Variants in PARP8 observed in about 807,000 individuals in gnomAD.
The protein encoded by PARP8 is protein mono-ADP-ribosyltransferase PARP8.
Under a neutral mutation model 124.1 loss-of-function variants are expected in PARP8, and 51 were observed. The ratio of observed to expected loss-of-function variants is 0.41; its 90% CI spans 0.33 to 0.52. The LOEUF (loss-of-function observed/expected upper bound fraction) is 0.52, where lower values mean the gene tolerates loss of function less well. PARP8 is among the 20% of genes least tolerant of loss of function. The pLI, the probability that PARP8 is intolerant of heterozygous loss-of-function variation, is 0.21. For missense variants in PARP8, 860 were observed against 1,018.9 expected (o/e 0.84, Z 2.12); for synonymous variants, 391 against 361.5 (o/e 1.08, Z -0.93).
At chr5:50,747,820 T>C (rs1329313260) in intron 2 of PARP8, among the ~76,000 whole-genome samples, 1 of 132,548 alleles carries the variant, frequency 7.5e-6, no homozygotes, top group Admixed American at 8.8e-5. Context: ...TCGCCCAGGC[T>C]AGAGTGCAGT....
At chr5:50,825,009 A>G in intron 18 of PARP8, 34 bp downstream of exon 18, 1 of 1,525,468 alleles carries the variant, frequency 6.6e-7, no homozygotes, top group Non-Finnish European at 9.1e-7. Context: ...TAATGAAAAC[A>G]GCATCCTTTT....
Position 50,813,633 on chromosome 5 carries a change from A to G in PARP8, c.1576-1799A>G, listed in dbSNP as rs142083404. Reference sequence around the variant, plus strand: ...GGCCAGAACTTCCAACACTATGTTAAATAGGAGTGGTGAGAGAGGGCATCC... The same window carrying G: ...GGCCAGAACTTCCAACACTATGTTAGATAGGAGTGGTGAGAGAGGGCATCC... On this transcript the variant is annotated intron_variant, in intron 14 of 25. Coordinates refer to ENST00000281631, the MANE Select transcript of PARP8 (RefSeq NM_024615.4). Among the ~76,000 whole-genome samples the G allele has an allele frequency of 3.7e-3, 567 of 152,222 alleles. 2 individuals carry two copies. The highest frequency in any genetic ancestry group is 0.013 in the African/African-American group (522 of 41,528).
intron 7 of PARP8, among the ~76,000 whole-genome samples, chr5:50,773,928 T>C (rs1580292035): frequency 6.6e-6 from 1 of 151,258 alleles, no homozygotes; most frequent in African/African-American, 2.4e-5. Flanking sequence ...GGAGAGAAGG[T>C]CAGCAGATAA....
At chr5:50,819,042 G>A (rs983225063) in intron 15 of PARP8, among the ~76,000 whole-genome samples, 1 of 152,150 alleles carries the variant, frequency 6.6e-6, no homozygotes, top group Non-Finnish European at 1.5e-5. Context: ...GAAAGCCAGT[G>A]GTTAAGACCT....
At chr5:50,679,188 TC>T (rs1751000961) in intron 2 of PARP8, among the ~76,000 whole-genome samples, 1 of 152,124 alleles carries the variant, frequency 6.6e-6, no homozygotes, top group Admixed American at 6.6e-5. Context: ...TGTACACTGA[TC>T]AATATAAATG....
At chr5:50,824,875 G>GA (rs1268199280) in intron 17 of PARP8, 33 bp from the exon 18 acceptor site, 3 of 1,570,720 alleles carry the variant, frequency 1.9e-6, no homozygotes, top group Non-Finnish European at 2.6e-6. Flanking sequence ...GAATTTTTAT[G>GA]AAAAATCAAG....
At chr5:50,749,673 T>C (rs1336123263) in intron 2 of PARP8, among the ~76,000 whole-genome samples, 1 of 152,162 alleles carries the variant, frequency 6.6e-6, no homozygotes, top group African/African-American at 2.4e-5. Context: ...ACTTCCATTA[T>C]ATTTTGTTAA....
At chr5:50,674,509 A>G (rs1488636359) in intron 2 of PARP8, among the ~76,000 whole-genome samples, 1 of 152,186 alleles carries the variant, frequency 6.6e-6, no homozygotes, top group Non-Finnish European at 1.5e-5. Context: ...CATCCAGTTT[A>G]TTTACACCTG....
chr5:50,713,619 C>T (rs1461307993), intron 2 of PARP8, among the ~76,000 whole-genome samples: 6 of 151,808 alleles, frequency 4.0e-5, no homozygotes, highest in African/African-American at 1.5e-4. Context: ...TAATGGCCAC[C>T]AAGATATCCA....
intron 9 of PARP8, 120 bp from the exon 10 acceptor site, chr5:50,788,403 A>C (rs1430153593): frequency 2.6e-6 from 2 of 780,414 alleles, no homozygotes; most frequent in Non-Finnish European, 4.3e-6. Context: ...CTGCATGTAC[A>C]CTGTTTTTAA....
At chr5:50,712,199 G>T (rs1754829626) in intron 2 of PARP8, among the ~76,000 whole-genome samples, 1 of 152,124 alleles carries the variant, frequency 6.6e-6, no homozygotes, top group Admixed American at 6.6e-5. Flanking sequence ...AGCATATGCT[G>T]ACCTTTGGCT....
At position 50,741,878 on chromosome 5, in the gene PARP8, C is replaced by G. The variant is rs781097583; in HGVS notation, c.147-8273C>G. ...CAGGCCGGGTGCAATAGCGCGATCT[C>G]AGCTCACTGCAACCTCCGCCTCCCA... On this transcript the variant is annotated intron_variant, in intron 2 of 25. Coordinates refer to ENST00000281631, the MANE Select transcript of PARP8 (RefSeq NM_024615.4). The G allele has an allele frequency of 3.6e-5, 16 of 441,700 alleles. No individual in the cohort carries two copies. The East Asian group carries it at 1.1e-3, about 32-fold the overall frequency. 27.4% of individuals were successfully genotyped at this position (441,700 alleles called of 1,614,324 possible).
At chr5:50,671,063 T>G (rs1348275800) in intron 2 of PARP8, among the ~76,000 whole-genome samples, 1 of 152,226 alleles carries the variant, frequency 6.6e-6, no homozygotes, top group Non-Finnish European at 1.5e-5. Context: ...CAGTACTGCC[T>G]TCTTATTTGA....
rs755104931 is a variant in PARP8 at position 50,788,539 on chromosome 5, C to G, written c.687C>G (p.Val229=). The stretch of plus-strand genomic sequence containing the variant: ...CCTTTCCAGTGCCCACTGTTGATGT[C>G]TTTCAGATTTCCACAAAAGAGCGAT... ...YLNGPVPTVD[V]FQISTKERFG... Residue 229 remains valine, a synonymous_variant, in exon 10 of 26, where the codon GTC becomes GTG. Transcript: ENST00000281631. The G allele has an allele frequency of 1.2e-6, 2 of 1,613,328 alleles. No homozygotes were observed. Among genetic ancestry groups the G allele is most frequent in the South Asian group, 1.1e-5 (1 of 91,036 alleles).
chr5:50,821,755 C>T (rs1384417130), intron 16 of PARP8, among the ~76,000 whole-genome samples: 2 of 152,164 alleles, frequency 1.3e-5, no homozygotes, highest in East Asian at 3.8e-4. Flanking sequence ...GCTGAAGTTG[C>T]CTCAGTTTCT....
At chr5:50,677,780 T>C (rs1750805479) in intron 2 of PARP8, among the ~76,000 whole-genome samples, 1 of 152,192 alleles carries the variant, frequency 6.6e-6, no homozygotes, top group Non-Finnish European at 1.5e-5. Flanking sequence ...AGTATGGCGA[T>C]AGTTTTCATA....
intron 2 of PARP8, among the ~76,000 whole-genome samples, chr5:50,717,500 G>A (rs1755437826): frequency 6.6e-6 from 1 of 151,998 alleles, no homozygotes; most frequent in African/African-American, 2.4e-5. Context: ...GTTCAAGTGT[G>A]AGGTTAGTAT....
At position 50,797,215 on chromosome 5, in the gene PARP8, A is replaced by C. The variant is rs763156851; in HGVS notation, c.1557A>C (p.Gln519His). Residue 519 changes from glutamine (Q) to histidine (H), a missense_variant, in exon 14 of 26, where the codon CAA becomes CAC. Gln to His is a conservative substitution (Grantham distance 24). This residue lies in a region of PARP8 where 343 missense variants were observed against 474.7 expected (regional missense o/e 0.72). Transcript: ENST00000281631. The part of the protein sequence containing the change: ...CVVCDEPHVF[Q>H]NGPMLRPTVC... ...TTTGTGATGAGCCACATGTGTTTCA[A>C]AATGGCCCTATGCTTAGGGTAAGTT... 26 of 1,609,992 alleles carry C rather than the reference A, an allele frequency of 1.6e-5. No homozygotes were observed. Among genetic ancestry groups the C allele is most frequent in the Non-Finnish European group, 2.2e-5 (26 of 1,177,334 alleles).
In PARP8 at chr5:50,844,340, GAATC is replaced by G. The variant is rs1195611614; in HGVS notation, c.*2277_*2280del. The G allele has an allele frequency of 6.6e-6, 1 of 151,728 alleles. No homozygotes were observed. Among genetic ancestry groups the G allele is most frequent in the Non-Finnish European group, 1.5e-5 (1 of 67,788 alleles). 9.4% of individuals were successfully genotyped at this position (151,728 alleles called of 1,614,324 possible). On this transcript the variant is annotated 3_prime_UTR_variant, in exon 26 of 26. Coordinates refer to ENST00000281631, the MANE Select transcript of PARP8 (RefSeq NM_024615.4). ...CCTTTGTAAGCAAATATTCTAAGGA[GAATC>G]AATCTTATTTTTTAATTGAACTTTT...
Sources: allele counts gnomAD v4.1 joint callset (sites outside exome capture counted in the v4.1 genomes callset), GRCh38; gene constraint gnomAD v4.1.1; regional missense constraint gnomAD v4.1.1; transcripts MANE v1.5; gene names NCBI Gene and HGNC (gene_info 2026-07-23, HGNC 2026-07-21).